The following SCAF8 variants were observed in gnomAD, a reference collection of about 807,000 sequenced individuals.
The protein encoded by SCAF8 is SR-related and CTD-associated factor 8.
SCAF8 carries 23 observed loss-of-function variants against 140.5 expected under a neutral mutation model. That is an observed-to-expected ratio of 0.16 (90% CI 0.12 to 0.23). SCAF8 has a LOEUF of 0.23. Among genes scored for constraint, SCAF8 ranks in the 10% least tolerant of loss-of-function variants. The pLI, the probability that SCAF8 is intolerant of heterozygous loss-of-function variation, is 1.00. For synonymous variants in SCAF8, 575 were observed against 528.9 expected (o/e 1.09, Z -1.20); for missense variants, 1,397 against 1,555.7 (o/e 0.90, Z 1.72).
intron 1 of SCAF8, among the ~76,000 whole-genome samples, chr6:154,737,530 C>CA (rs1337588744): frequency 6.6e-6 from 1 of 151,980 alleles, no homozygotes; most frequent in Non-Finnish European, 1.5e-5. Context: ...ACAACAACAA[C>CA]ACAAATTAGC....
At position 154,792,949 on chromosome 6, in the gene SCAF8, A is replaced by ACTG; in HGVS notation, c.450_451insGCT (p.Thr150_Thr151insAla). 1 of 1,613,782 alleles carries ACTG rather than the reference A, an allele frequency of 6.2e-7. No individual in the cohort carries two copies. Among genetic ancestry groups the ACTG allele is most frequent in the Non-Finnish European group, 8.5e-7 (1 of 1,179,844 alleles). On this transcript the variant is annotated inframe_insertion, in exon 5 of 20. Coordinates refer to ENST00000367178, the MANE Select transcript of SCAF8 (RefSeq NM_014892.5). Reference sequence around the variant, plus strand: ...AGTTGTCACACCTGTTTTGGCCAGCACTACCACTGCTATGAGCAATACTCC... The same window carrying ACTG: ...AGTTGTCACACCTGTTTTGGCCAGCACTGCTACCACTGCTATGAGCAATACTCC...
chr6:154,739,288 G>C (rs1318802503), intron 1 of SCAF8, among the ~76,000 whole-genome samples: 6 of 151,986 alleles, frequency 3.9e-5, no homozygotes, highest in Non-Finnish European at 8.8e-5. Context: ...CACTGCCCCT[G>C]GCCAGATTCT....
chr6:154,833,320 C>CA lies in SCAF8; in HGVS notation c.3743dup (p.Glu1249GlyfsTer4). 6.2e-7 allele frequency: 1 copy of CA among 1,613,836 alleles called. No homozygotes were observed. The highest frequency in any genetic ancestry group is 8.5e-7 in the Non-Finnish European group (1 of 1,179,866). On this transcript the variant is annotated frameshift_variant, in exon 20 of 20. Transcript: ENST00000367178. LOFTEE classifies it high-confidence loss of function. ...AACTGACATCTTCAAATGAAATAAA[C>CA]AAGGAGAAGAGTGACACAGTTGCTG...
chr6:154,801,288 G>T (rs1310562679), intron 6 of SCAF8, among the ~76,000 whole-genome samples: 2 of 151,376 alleles, frequency 1.3e-5, no homozygotes, highest in African/African-American at 4.8e-5. Context: ...GAGTACAGTT[G>T]TCTTGGTTAT....
intron 3 of SCAF8, among the ~76,000 whole-genome samples, chr6:154,781,679 TA>T (rs1777089123): frequency 6.6e-6 from 1 of 152,234 alleles, no homozygotes; most frequent in Non-Finnish European, 1.5e-5. Context: ...TACCACAGTT[TA>T]ATCATTCACT....
intron 18 of SCAF8, among the ~76,000 whole-genome samples, chr6:154,829,858 G>T (rs759721401): frequency 4.6e-5 from 7 of 152,150 alleles, no homozygotes; most frequent in Non-Finnish European, 1.0e-4. Context: ...AGTGAGCCGA[G>T]ATCACGCTAC....
Position 154,832,745 on chromosome 6 carries a change from G to T in SCAF8, c.3166G>T (p.Gly1056Cys). 1.2e-6 allele frequency: 2 copies of T among 1,613,938 alleles called. No homozygotes were observed. Among genetic ancestry groups the T allele is most frequent in the Non-Finnish European group, 1.7e-6 (2 of 1,179,982 alleles). Residue 1056 changes from glycine (G) to cysteine (C), a missense_variant, in exon 20 of 20, where the codon GGT becomes TGT. This residue lies in a region of SCAF8 where 930 missense variants were observed against 874.6 expected (regional missense o/e 1.06). Transcript: ENST00000367178. ...AGGTCCTGGACGGCCTCCACTAGAT[G>T]GTAGGGATCATTTTGGAAGACCTCC... ...REGPGRPPLDGRDHFGRPPVD... is the reference protein window; with the variant it reads ...REGPGRPPLDCRDHFGRPPVD...
At chr6:154,796,486 C>G (rs1026863003) in intron 6 of SCAF8, among the ~76,000 whole-genome samples, 4 of 151,858 alleles carry the variant, frequency 2.6e-5, no homozygotes, top group Admixed American at 1.3e-4. Context: ...GAAGTGTAAA[C>G]TATTTCACAA....
intron 1 of SCAF8, among the ~76,000 whole-genome samples, chr6:154,756,158 A>G (rs1455794556): frequency 2.0e-5 from 3 of 152,222 alleles, no homozygotes; most frequent in Non-Finnish European, 4.4e-5. Flanking sequence ...GGTCCTAAAT[A>G]CCACTTTTGT....
intron 1 of SCAF8, among the ~76,000 whole-genome samples, chr6:154,750,839 T>C (rs1244349504): frequency 6.6e-6 from 1 of 152,200 alleles, no homozygotes; most frequent in Non-Finnish European, 1.5e-5. Flanking sequence ...ACAATTCTGG[T>C]ATTTTTTTTG....
chr6:154,776,297 G>GTA (rs763251453), intron 2 of SCAF8, among the ~76,000 whole-genome samples: 327 of 43,238 alleles, frequency 7.6e-3, no homozygotes, highest in Non-Finnish European at 0.01. Flanking sequence ...GTGTATATAT[G>GTA]TATATATATA....
In SCAF8 at chr6:154,822,420, A is replaced by C. The variant is rs1290865350; in HGVS notation, c.1926+11A>C. On this transcript the variant is annotated intron_variant, in intron 16 of 19. Transcript: ENST00000367178. The stretch of plus-strand genomic sequence containing the variant: ...GTTGCTATGTTGCAGGTTAGTGTTG[A>C]AGTGGGGTTTTTTTTTTCTTGTGTT... 1.3e-6 allele frequency: 2 copies of C among 1,582,950 alleles called. No homozygotes were observed. Among genetic ancestry groups the C allele is most frequent in the Non-Finnish European group, 1.7e-6 (2 of 1,170,560 alleles).
At chr6:154,821,069 G>A (rs761335327) in intron 15 of SCAF8, among the ~76,000 whole-genome samples, 1 of 151,652 alleles carries the variant, frequency 6.6e-6, no homozygotes, top group African/African-American at 2.4e-5. Context: ...ACCCCACCCC[G>A]CCAATGGCTG....
At chr6:154,808,852 T>C in intron 11 of SCAF8, 54 bp downstream of exon 11, 2 of 1,195,520 alleles carry the variant, frequency 1.7e-6, no homozygotes, top group Non-Finnish European at 2.5e-6. Context: ...ATGTTGGCTT[T>C]ATTTCTTTGC....
At chr6:154,823,594 A>G (rs1287675637) in intron 16 of SCAF8, among the ~76,000 whole-genome samples, 5 of 152,224 alleles carry the variant, frequency 3.3e-5, no homozygotes, top group Non-Finnish European at 5.9e-5. Flanking sequence ...GGTCCAAGAA[A>G]TTGGAAAGAT....
At chr6:154,794,120 G>C (rs1777515211) in intron 5 of SCAF8, among the ~76,000 whole-genome samples, 1 of 151,946 alleles carries the variant, frequency 6.6e-6, no homozygotes, top group Non-Finnish European at 1.5e-5. Context: ...GTTAGAGACG[G>C]AGTCTTGCTG....
intron 11 of SCAF8, 52 bp downstream of exon 11, chr6:154,808,850 T>A (rs1397684943): frequency 8.3e-7 from 1 of 1,207,900 alleles, no homozygotes; most frequent in African/African-American, 1.5e-5. Context: ...AAATGTTGGC[T>A]TTATTTCTTT....
intron 4 of SCAF8, among the ~76,000 whole-genome samples, chr6:154,791,650 A>G (rs1777423348): frequency 1.3e-5 from 2 of 151,958 alleles, no homozygotes; most frequent in South Asian, 4.1e-4. Context: ...GTTTTTTTAA[A>G]AAATGTGTTG....
At chr6:154,794,945 C>A in intron 5 of SCAF8, 64 bp from the exon 6 acceptor site, 2 of 1,417,924 alleles carry the variant, frequency 1.4e-6, no homozygotes, top group Middle Eastern at 1.9e-4. Flanking sequence ...AGTTATTCTG[C>A]TTTTTCTAGT....
Sources: allele counts gnomAD v4.1 joint callset (sites outside exome capture counted in the v4.1 genomes callset), GRCh38; gene constraint gnomAD v4.1.1; regional missense constraint gnomAD v4.1.1; transcripts MANE v1.5; gene names NCBI Gene and HGNC (gene_info 2026-07-23, HGNC 2026-07-21).